PSD: variants seen among roughly 807,000 people sequenced by gnomAD.
The protein encoded by PSD is PH and SEC7 domain-containing protein 1.
In PSD, 32 loss-of-function variants were observed where a neutral mutation model predicts 91.6. That is an observed-to-expected ratio of 0.35 (90% CI 0.26 to 0.47). PSD has a LOEUF of 0.47. Ranked by LOEUF, PSD falls within the 20% of genes least tolerant of loss-of-function variation. The probability of loss-of-function intolerance (pLI) is 1.00; values close to 1 mark genes in which losing one functional copy is unlikely to be tolerated. For synonymous variants in PSD, 532 were observed against 569.3 expected, an observed-to-expected ratio of 0.93 and a Z score of 0.93; for missense variants, 1,099 against 1,373.9, an observed-to-expected ratio of 0.80 and a Z score of 3.16.
At position 102,412,091 on chromosome 10, in the gene PSD, G is replaced by T; in HGVS notation, c.1829+56C>A. 4 of 1,543,696 alleles carry T rather than the reference G, an allele frequency of 2.6e-6. No homozygotes were observed. In the South Asian group the frequency reaches 3.3e-5, roughly 13 times the overall value. On this transcript the variant is annotated intron_variant, in intron 7 of 16. Transcript: ENST00000020673. ...GAGGGGCTCAAAGGAGGCATCCTGG[G>T]GCCCTAACACGAACCCCGGAGAGTG...
intron 7 of PSD, 53 bp from the exon 8 acceptor site, chr10:102,411,872 G>C: frequency 7.5e-7 from 1 of 1,340,160 alleles, no homozygotes; most frequent in East Asian, 2.4e-5. Context: ...TCCAGCCTCT[G>C]TCTCTGGGGT....
chr10:102,417,196 G>A (rs185157868), intron 1 of PSD, 75 bp from the exon 2 acceptor site: 1 of 586,708 alleles, frequency 1.7e-6, no homozygotes, highest in South Asian at 2.0e-5. Flanking sequence ...ATAGGGAAGG[G>A]AAAGTTGGCT....
In PSD at chr10:102,412,547, C is replaced by T. The variant is rs773855505; in HGVS notation, c.1582G>A (p.Asp528Asn). ...GTGCTGTCCAGCTCTGAGTCTGAGT[C>T]GGACACCAGCTGGCTCAGGGGTGGT... ...SEPPLSQLVS[D>N]SDSELDSTER... The change falls in exon 6 of 17, where the codon GAC becomes AAC. Residue 528 changes from aspartate (D) to asparagine (N), a missense_variant. By Grantham distance (23) the Asp-to-Asn change is conservative. Transcript: ENST00000020673. 10 of 1,613,254 alleles carry T rather than the reference C, an allele frequency of 6.2e-6. No homozygotes were observed. Among genetic ancestry groups the T allele is most frequent in the East Asian group, 2.2e-5 (1 of 44,870 alleles).
rs1185999358 is a variant in PSD at position 102,415,071 on chromosome 10, C to G, written c.916G>C (p.Ala306Pro). The G allele has an allele frequency of 1.2e-6, 2 of 1,614,010 alleles. No homozygotes were observed. The highest frequency in any genetic ancestry group is 1.3e-5 in the African/African-American group (1 of 74,944). Residue 306 changes from alanine (A) to proline (P), a missense_variant, in exon 4 of 17, where the codon GCT becomes CCT. By Grantham distance (27) the Ala-to-Pro change is conservative. Around this residue, in one of 3 missense-constraint regions of PSD, gnomAD observed 631 missense variants for 728.8 expected, o/e 0.87. Coordinates refer to ENST00000020673, the MANE Select transcript of PSD (RefSeq NM_002779.5). The part of the protein sequence containing the change: ...YRETDIDEVL[A>P]EREEADSAIE... ...GCCGAGTCGGCCTCCTCCCGCTCAG[C>G]CAGCACCTCATCGATGTCAGTCTCG...
At chr10:102,407,121 T>C (rs1053968175) in intron 11 of PSD, 102 bp downstream of exon 11, 1 of 1,039,178 alleles carries the variant, frequency 9.6e-7, no homozygotes, top group Non-Finnish European at 1.3e-6. Context: ...CTCACTCCCC[T>C]CCCCTACCCC....
chr10:102,416,779 G>A lies in PSD; in HGVS notation c.260C>T (p.Ser87Leu), dbSNP rs754222224. 14 of 1,595,158 alleles carry A rather than the reference G, an allele frequency of 8.8e-6. No homozygotes were observed. The East Asian group carries it at 1.1e-4, about 13-fold the overall frequency. ...RVAPSPWAPS[S>L]PTGQPPPGAQ... Reference sequence around the variant, plus strand: ...CCCGGGTGGGGGCTGCCCAGTGGGTGAAGAGGGTGCCCAGGGTGAGGGAGC... The same window carrying A: ...CCCGGGTGGGGGCTGCCCAGTGGGTAAAGAGGGTGCCCAGGGTGAGGGAGC... Residue 87 changes from serine to leucine, a missense_variant, in exon 2 of 17, where the codon TCA becomes TTA. Coordinates refer to ENST00000020673, the MANE Select transcript of PSD (RefSeq NM_002779.5). This position sits in a 1 kb window ranked among gnomAD's most constrained non-coding sequence, Gnocchi z 6.0.
Position 102,412,664 on chromosome 10 carries a change from G to A in PSD, c.1554-89C>T, listed in dbSNP as rs1193636246. 6 of 1,168,072 alleles carry A rather than the reference G, an allele frequency of 5.1e-6. No homozygotes were observed. The African/African-American group carries it at 6.2e-5, about 12-fold the overall frequency. The allele number at this position is 1,168,072 out of a possible 1,614,324, so 72.4% of individuals were successfully genotyped here. On this transcript the variant is annotated intron_variant, in intron 5 of 16. Transcript: ENST00000020673. ...TCTGCCTCCAGGCCCAGAAGATGGA[G>A]AAGGGGAGGGAGTGGAGGGACATGG...
rs200710080 is a variant in PSD at position 102,416,423 on chromosome 10, G to C, written c.616C>G (p.Leu206Val). The change falls in exon 2 of 17, where the codon CTC (leucine) becomes GTC (valine). Residue 206 changes from leucine (L) to valine (V), a missense_variant. By Grantham distance (32) the Leu-to-Val change is conservative. Coordinates refer to ENST00000020673, the MANE Select transcript of PSD (RefSeq NM_002779.5). This position sits in a 1 kb window ranked among gnomAD's most constrained non-coding sequence, Gnocchi z 6.0. ...LGGPPERLAT[L>V]FGGPADTGFL... is the part of the protein sequence containing the mutation. Reference sequence around the variant, plus strand: ...CCAGTGTCAGCAGGTCCTCCGAAGAGTGTGGCCAGGCGCTCAGGGGGGCCC... The same window carrying C: ...CCAGTGTCAGCAGGTCCTCCGAAGACTGTGGCCAGGCGCTCAGGGGGGCCC... 1 of 1,610,004 alleles carries C rather than the reference G, an allele frequency of 6.2e-7. No individual in the cohort carries two copies. Among genetic ancestry groups the C allele is most frequent in the Non-Finnish European group, 8.5e-7 (1 of 1,178,424 alleles).
At position 102,405,711 on chromosome 10, in the gene PSD, C is replaced by T. The variant is rs1589882371; in HGVS notation, c.2136-175G>A. 3.2e-6 allele frequency: 2 copies of T among 632,784 alleles called. No individual in the cohort carries two copies. The highest frequency in any genetic ancestry group is 2.8e-5 in the East Asian group (1 of 36,236). 39.2% of individuals were successfully genotyped at this position (632,784 alleles called of 1,614,324 possible). A position where few individuals can be genotyped will look rare whatever the true frequency, so the allele number is the denominator to read the frequency against. ...CAGGCCTCCACAATGTGTAGCTGTGCCTCCTCAGAGCAGGGCACCTCCCTC... is the reference window on the plus strand; with the variant it reads ...CAGGCCTCCACAATGTGTAGCTGTGTCTCCTCAGAGCAGGGCACCTCCCTC... On this transcript the variant is annotated intron_variant, in intron 11 of 16. Transcript: ENST00000020673. This position sits in a 1 kb window ranked among gnomAD's most constrained non-coding sequence, Gnocchi z 5.4.
chr10:102,409,440 G>C lies in PSD; in HGVS notation c.2091+1418C>G. ...CCAGCGTGGGTGGCAGCTCCAGGGA[G>C]GCTGAGAGCACCGCTAGGCCTGGGG... On this transcript the variant is annotated intron_variant, in intron 10 of 16. Transcript: ENST00000020673. This position sits in a 1 kb window ranked among gnomAD's most constrained non-coding sequence, Gnocchi z 5.7. The C allele has an allele frequency of 1.4e-6, 1 of 698,442 alleles. No homozygotes were observed. The highest frequency in any genetic ancestry group is 1.9e-5 in the African/African-American group (1 of 51,778). The allele number at this position is 698,442 out of a possible 1,614,324, so 43.3% of individuals were successfully genotyped here. A position where few individuals can be genotyped will look rare whatever the true frequency, so the allele number is the denominator to read the frequency against.
Position 102,413,801 on chromosome 10 carries a change from G to T in PSD, c.1521C>A (p.Asp507Glu). 1 of 1,613,990 alleles carries T rather than the reference G, an allele frequency of 6.2e-7. No individual in the cohort carries two copies. Among genetic ancestry groups the T allele is most frequent in the Non-Finnish European group, 8.5e-7 (1 of 1,179,920 alleles). The change falls in exon 5 of 17, where the codon GAC (aspartate) becomes GAA (glutamate). Residue 507 changes from aspartate to glutamate, a missense_variant. Asp to Glu is a conservative substitution (Grantham distance 45). Transcript: ENST00000020673. ...REPPSPCHSEDSLGLGAAPLG... is the reference protein window; with the variant it reads ...REPPSPCHSEESLGLGAAPLG... ...GGGGTGCTGCCCCCAGCCCAAGGCTGTCCTCTGAGTGGCAGGGACTAGGGG... is the reference window on the plus strand; with the variant it reads ...GGGGTGCTGCCCCCAGCCCAAGGCTTTCCTCTGAGTGGCAGGGACTAGGGG...
Position 102,405,626 on chromosome 10 carries a change from C to T in PSD, c.2136-90G>A. The T allele has an allele frequency of 7.6e-7, 1 of 1,310,306 alleles. No homozygotes were observed. The highest frequency in any genetic ancestry group is 1.0e-6 in the Non-Finnish European group (1 of 966,548). 81.2% of individuals were successfully genotyped at this position (1,310,306 alleles called of 1,614,324 possible). Reference sequence around the variant, plus strand: ...CTCTGCTCGCCCTGGAAAAGCTCCCCCAGTGTTTGTGGCTTGGGGGGCTCA... The same window carrying T: ...CTCTGCTCGCCCTGGAAAAGCTCCCTCAGTGTTTGTGGCTTGGGGGGCTCA... On this transcript the variant is annotated intron_variant, in intron 11 of 16. Transcript: ENST00000020673. This position sits in a 1 kb window ranked among gnomAD's most constrained non-coding sequence, Gnocchi z 5.4.
rs1027359367 is a variant in PSD at position 102,411,764 on chromosome 10, G to A, written c.1885C>T (p.Leu629=). The change falls in exon 8 of 17, where the codon CTG becomes TTG. Residue 629 remains leucine (L), a synonymous_variant. Transcript: ENST00000020673. ...AAGTATCGCTGGGAGAAGTGGGCCA[G>A]CACGCGCTCTCGTTCCTGGGTCTCA... is the stretch of plus-strand genomic sequence containing the variant. ...MGETQERERV[L]AHFSQRYFQC... is the part of the protein sequence containing the mutation. The A allele has an allele frequency of 1.2e-6, 2 of 1,613,726 alleles. No individual in the cohort carries two copies. Among genetic ancestry groups the A allele is most frequent in the African/African-American group, 2.7e-5 (2 of 74,924 alleles).
chr10:102,405,670 G>A lies in PSD; in HGVS notation c.2136-134C>T. ...GGGCTCAACCTGAGGGTCCTGCCAT[G>A]TCTCCCGTCTCAGATCAGGCCTCCA... On this transcript the variant is annotated intron_variant, in intron 11 of 16. Coordinates refer to ENST00000020673, the MANE Select transcript of PSD (RefSeq NM_002779.5). The surrounding 1 kb of genome is among the most constrained non-coding windows in gnomAD (Gnocchi z 5.4). 1.3e-6 allele frequency: 1 copy of A among 785,534 alleles called. No homozygotes were observed. Among genetic ancestry groups the A allele is most frequent in the Non-Finnish European group, 2.0e-6 (1 of 502,984 alleles). 48.7% of individuals were successfully genotyped at this position (785,534 alleles called of 1,614,324 possible). A position where few individuals can be genotyped will look rare whatever the true frequency, so the allele number is the denominator to read the frequency against.
At chr10:102,412,126 C>T (rs1407253806) in intron 7 of PSD, 21 bp downstream of exon 7, 1 of 1,611,440 alleles carries the variant, frequency 6.2e-7, no homozygotes, top group Non-Finnish European at 8.5e-7. Context: ...GGGGGCTGTC[C>T]TCCAAGGGGT....
intron 1 of PSD, among the ~76,000 whole-genome samples, chr10:102,418,265 C>T (rs1320158664): frequency 6.6e-6 from 1 of 152,098 alleles, no homozygotes; most frequent in Admixed American, 6.5e-5. Flanking sequence ...GCTTGTTTTA[C>T]ACACACACCA....
intron 3 of PSD, 137 bp from the exon 4 acceptor site, chr10:102,415,366 C>T: frequency 2.8e-6 from 3 of 1,071,612 alleles, no homozygotes; most frequent in Non-Finnish European, 3.8e-6. Flanking sequence ...CCTCCTGCTA[C>T]ATACTTAGCT....
rs372540488 is a variant in PSD at position 102,414,823 on chromosome 10, G to A, written c.1124+40C>T. 7.1e-5 allele frequency: 106 copies of A among 1,484,934 alleles called. No individual in the cohort carries two copies. Among genetic ancestry groups the A allele is most frequent in the African/African-American group, 8.4e-5 (6 of 71,342 alleles). 92.0% of individuals were successfully genotyped at this position (1,484,934 alleles called of 1,614,324 possible). ...GTGGGCCAGTGCGAAGGAGCAAGCC[G>A]CTTCCCTCTCCCACTTCCCCCTCCC... On this transcript the variant is annotated intron_variant, in intron 4 of 16. Transcript: ENST00000020673. This position sits in a 1 kb window ranked among gnomAD's most constrained non-coding sequence, Gnocchi z 5.6.
At position 102,405,373 on chromosome 10, in the gene PSD, C is replaced by A; in HGVS notation, c.2299G>T (p.Val767Leu). 6.2e-7 allele frequency: 1 copy of A among 1,613,294 alleles called. No individual in the cohort carries two copies. Among genetic ancestry groups the A allele is most frequent in the East Asian group, 2.2e-5 (1 of 44,878 alleles). Residue 767 changes from valine (V) to leucine (L), a missense_variant, in exon 12 of 17, where the codon GTG (valine) becomes TTG (leucine). Val to Leu is a conservative substitution (Grantham distance 32). Transcript: ENST00000020673. The surrounding 1 kb of genome is among the most constrained non-coding windows in gnomAD (Gnocchi z 5.4). ...TTCCTGCAGTCAGGGTCTGCGTGCA[C>A]CTTTCGCACCAGGGCCCCGTGCTTG... ...VYKHGALVRK[V>L]HADPDCRKTP...
Sources: allele counts gnomAD v4.1 joint callset (sites outside exome capture counted in the v4.1 genomes callset), GRCh38; gene constraint gnomAD v4.1.1; regional missense constraint gnomAD v4.1.1; non-coding constraint Gnocchi (gnomAD v3.1); transcripts MANE v1.5; gene names NCBI Gene and HGNC (gene_info 2026-07-23, HGNC 2026-07-21).